The following CYP4Z1 variants were observed in gnomAD, a reference collection of about 807,000 sequenced individuals.
CYP4Z1 encodes cytochrome P450 family 4 subfamily Z member 1.
Under a neutral mutation model 54.2 loss-of-function variants are expected in CYP4Z1, and 41 were observed. That is an observed-to-expected ratio of 0.76 (90% CI 0.59 to 0.98). The LOEUF is 0.98. CYP4Z1 is among the 50% of genes least tolerant of loss of function. The pLI is 0.00. For synonymous variants in CYP4Z1, 163 were observed against 206.2 expected (o/e 0.79, Z 1.79); for missense variants, 513 against 599.0 (o/e 0.86, Z 1.50).
chr1:47,067,705 G>T, intron 1 of CYP4Z1, 38 bp downstream of exon 1: 1 of 1,523,640 alleles, frequency 6.6e-7, no homozygotes, highest in Non-Finnish European at 8.9e-7. Flanking sequence ...TTAAGGGACA[G>T]AAAGATGAGG....
At chr1:47,066,298 A>T (rs1644450592), upstream of CYP4Z1, among the ~76,000 whole-genome samples, 1 of 152,228 alleles carries the variant, frequency 6.6e-6, no homozygotes, top group Non-Finnish European at 1.5e-5. Flanking sequence ...ATACTAGTGA[A>T]CTGAATCCAA....
upstream of CYP4Z1, among the ~76,000 whole-genome samples, chr1:47,065,355 A>T (rs1336002681): frequency 6.6e-6 from 1 of 152,212 alleles, no homozygotes; most frequent in East Asian, 1.9e-4. Flanking sequence ...ATGGAAAAAA[A>T]ATTGGAAGTC....
upstream of CYP4Z1, among the ~76,000 whole-genome samples, chr1:47,066,809 C>T (rs1402581150): frequency 6.6e-6 from 1 of 151,812 alleles, no homozygotes; most frequent in Non-Finnish European, 1.5e-5. Context: ...AATTAATATA[C>T]ACAAATAAGT....
intron 6 of CYP4Z1, among the ~76,000 whole-genome samples, chr1:47,085,428 A>T (rs1289051748): frequency 1.3e-5 from 2 of 152,210 alleles, no homozygotes; most frequent in African/African-American, 4.8e-5. Flanking sequence ...CTTAGGACAT[A>T]GATAACTTTG....
intron 2 of CYP4Z1, 33 bp downstream of exon 2, chr1:47,068,796 A>T: frequency 6.2e-7 from 1 of 1,605,066 alleles, no homozygotes; most frequent in South Asian, 1.1e-5. Context: ...AGTACAGAGC[A>T]GCAACAAAGA....
At chr1:47,072,886 A>G (rs1644492514) in intron 2 of CYP4Z1, among the ~76,000 whole-genome samples, 1 of 151,870 alleles carries the variant, frequency 6.6e-6, no homozygotes, top group Non-Finnish European at 1.5e-5. Context: ...ATTGCCAAAA[A>G]TGCTCTTCCT....
chr1:47,086,315 G>A (rs1431962972), intron 6 of CYP4Z1, among the ~76,000 whole-genome samples: 2 of 152,192 alleles, frequency 1.3e-5, no homozygotes, highest in East Asian at 1.9e-4. Flanking sequence ...CACCAACAGT[G>A]TAAAAGTGTT....
In CYP4Z1 at chr1:47,102,261, T is replaced by C. The variant is rs115688223; in HGVS notation, c.1067+2977T>C. On this transcript the variant is annotated intron_variant, in intron 8 of 11. Coordinates refer to ENST00000334194, the MANE Select transcript of CYP4Z1 (RefSeq NM_178134.3). ...ATTCCATTACATTCAAGGTTATTAC[T>C]GATATGTGATGGCATATTCCTGTCA... is the stretch of plus-strand genomic sequence containing the variant. 3.9e-3 allele frequency among the ~76,000 whole-genome samples: 590 copies of C among 152,356 alleles called. 4 individuals carry two copies. The highest frequency in any genetic ancestry group is 0.013 in the African/African-American group (559 of 41,590).
chr1:47,104,534 A>G (rs1246375990), intron 8 of CYP4Z1, among the ~76,000 whole-genome samples: 1 of 152,166 alleles, frequency 6.6e-6, no homozygotes, highest in Non-Finnish European at 1.5e-5. Flanking sequence ...CTTGATACTA[A>G]GCAGTCCACG....
rs140406574 is a variant in CYP4Z1 at position 47,086,660 on chromosome 1, G to A, written c.772+1682G>A. ...CTGTAGGCTGTCTGTTCACTCTGATGGTAGTTTCTTTTGCTGTGCAGAAGC... is the reference window on the plus strand; with the variant it reads ...CTGTAGGCTGTCTGTTCACTCTGATAGTAGTTTCTTTTGCTGTGCAGAAGC... On this transcript the variant is annotated intron_variant, in intron 6 of 11. Coordinates refer to ENST00000334194, the MANE Select transcript of CYP4Z1 (RefSeq NM_178134.3). 1.9e-3 allele frequency among the ~76,000 whole-genome samples: 289 copies of A among 152,212 alleles called. 2 individuals carry two copies. The highest frequency in any genetic ancestry group is 6.8e-3 in the African/African-American group (281 of 41,500).
upstream of CYP4Z1, among the ~76,000 whole-genome samples, chr1:47,066,170 T>C (rs192213411): frequency 7.9e-5 from 12 of 152,238 alleles, no homozygotes; most frequent in East Asian, 1.5e-3. Flanking sequence ...GCATCCTCCC[T>C]AAATCACTCT....
upstream of CYP4Z1, among the ~76,000 whole-genome samples, chr1:47,067,096 C>G (rs1360415027): frequency 6.6e-6 from 1 of 151,986 alleles, no homozygotes; most frequent in African/African-American, 2.4e-5. Flanking sequence ...TAAATTCTAT[C>G]AGAAACATAA....
intron 4 of CYP4Z1, 150 bp downstream of exon 4, chr1:47,082,611 G>A (rs1335179831): frequency 2.7e-5 from 28 of 1,034,752 alleles, no homozygotes; most frequent in Admixed American, 5.9e-5. Flanking sequence ...TCATCATCAG[G>A]GCAAGGACCC....
At chr1:47,104,791 T>A (rs773605072) in intron 8 of CYP4Z1, among the ~76,000 whole-genome samples, 2 of 151,968 alleles carry the variant, frequency 1.3e-5, no homozygotes, top group Admixed American at 6.5e-5. Context: ...CCCCTAGTAG[T>A]GTATGCAGGT....
intron 2 of CYP4Z1, among the ~76,000 whole-genome samples, chr1:47,077,846 T>C (rs1013544466): frequency 4.6e-5 from 7 of 152,096 alleles, no homozygotes; most frequent in Non-Finnish European, 5.9e-5. Flanking sequence ...CTCAAACTGC[T>C]GGCTTCAAAC....
At chr1:47,097,673 G>C (rs1222843187) in intron 7 of CYP4Z1, among the ~76,000 whole-genome samples, 1 of 152,014 alleles carries the variant, frequency 6.6e-6, no homozygotes, top group Non-Finnish European at 1.5e-5. Flanking sequence ...CTCTGTGTCT[G>C]TTCTTGTACC....
At chr1:47,108,537 G>C (rs1435242175) in intron 9 of CYP4Z1, among the ~76,000 whole-genome samples, 2 of 151,972 alleles carry the variant, frequency 1.3e-5, no homozygotes, top group African/African-American at 2.4e-5. Context: ...TATGATGCCT[G>C]CTTTCTCTCC....
upstream of CYP4Z1, among the ~76,000 whole-genome samples, chr1:47,062,614 G>A (rs1265808554): frequency 6.6e-6 from 1 of 152,034 alleles, no homozygotes; most frequent in African/African-American, 2.4e-5. Context: ...ATCAGAGACA[G>A]CCATAATACC....
At chr1:47,062,796 G>A (rs1382868807), upstream of CYP4Z1, among the ~76,000 whole-genome samples, 2 of 152,244 alleles carry the variant, frequency 1.3e-5, no homozygotes, top group Admixed American at 1.3e-4. Context: ...TCACTTGGGA[G>A]CACTATGGCC....
Sources: gnomAD v4.1 joint callset for allele counts (sites outside exome capture counted in the v4.1 genomes callset) on GRCh38, gnomAD v4.1.1 for gene constraint, MANE v1.5 for transcripts, NCBI Gene and HGNC (gene_info 2026-07-23, HGNC 2026-07-21) for gene names.